Variants in APP observed in about 807,000 individuals in gnomAD.
APP encodes amyloid-beta precursor protein.
In APP, 31 loss-of-function variants were observed where a neutral mutation model predicts 101.4. The ratio of observed to expected loss-of-function variants is 0.31; its 90% CI spans 0.23 to 0.41. APP has a LOEUF of 0.41. APP is among the 10% of genes least tolerant of loss of function. APP has a pLI of 1.00. For synonymous variants in APP, 366 were observed against 364.4 expected (o/e 1.00, Z -0.05); for missense variants, 839 against 1,003.7 (o/e 0.84, Z 2.22).
intron 1 of APP, among the ~76,000 whole-genome samples, chr21:26,147,271 T>C (rs149824060): frequency 6.6e-6 from 1 of 152,328 alleles, no homozygotes; most frequent in East Asian, 1.9e-4. Context: ...GGTATGTTTT[T>C]ATGTTTCCAC....
In APP at chr21:26,087,969, G is replaced by A. The variant is rs557448161; in HGVS notation, c.355+1974C>T. 2.0e-5 allele frequency among the ~76,000 whole-genome samples: 3 copies of A among 152,134 alleles called. No individual in the cohort carries two copies. The South Asian group carries it at 6.2e-4, about 32-fold the overall frequency. On this transcript the variant is annotated intron_variant, in intron 3 of 17. Transcript: ENST00000346798. ...ACATCTTTTATATCCTTTATTACTT[G>A]TTGTACTGTTCGTTCACTTGGAGGT...
intron 7 of APP, among the ~76,000 whole-genome samples, chr21:25,998,389 A>AG (rs1185817400): frequency 6.9e-5 from 9 of 130,392 alleles, no homozygotes; most frequent in African/African-American, 1.0e-4. Context: ...AATCAGAGCC[A>AG]GAAAAAAAAA....
chr21:25,943,932 G>A (rs1363261840), intron 13 of APP, among the ~76,000 whole-genome samples: 2 of 152,098 alleles, frequency 1.3e-5, no homozygotes, highest in East Asian at 3.9e-4. Flanking sequence ...AAAAATTTTA[G>A]AGAACATGCA....
intron 17 of APP, among the ~76,000 whole-genome samples, chr21:25,883,421 G>A (rs941600496): frequency 5.3e-5 from 8 of 150,882 alleles, no homozygotes; most frequent in Admixed American, 2.0e-4. Flanking sequence ...AAAAGGCCAG[G>A]TGAGGTGGCT....
Position 25,975,223 on chromosome 21 carries a change from G to A in APP, c.1305C>T (p.Phe435=), listed in dbSNP as rs148180403. The A allele has an allele frequency of 7.4e-4, 1,200 of 1,614,096 alleles. 1 individual carries two copies. Among genetic ancestry groups the A allele is most frequent in the Middle Eastern group, 1.6e-3 (10 of 6,062 alleles). The change falls in exon 11 of 18, where the codon TTC becomes TTT. Residue 435 remains phenylalanine (F), a synonymous_variant. Transcript: ENST00000346798. ...GTTCCAAAGATTCCACTTTCTCCTG[G>A]AAATGCTGCCATCATAAACACATAT... ...KADKKAVIQH[F]QEKVESLEQE...
intron 3 of APP, among the ~76,000 whole-genome samples, chr21:26,060,406 G>A (rs2046225828): frequency 6.6e-6 from 1 of 152,196 alleles, no homozygotes; most frequent in Non-Finnish European, 1.5e-5. Context: ...CTGGCTGGGA[G>A]GGGGTGTTTC....
At chr21:26,138,039 C>G (rs2062958110) in intron 1 of APP, among the ~76,000 whole-genome samples, 1 of 152,174 alleles carries the variant, frequency 6.6e-6, no homozygotes, top group African/African-American at 2.4e-5. Flanking sequence ...ATTTAATATA[C>G]TCTTAAAAGG....
chr21:26,147,975 C>T (rs781232984), intron 1 of APP, among the ~76,000 whole-genome samples: 7 of 152,082 alleles, frequency 4.6e-5, no homozygotes, highest in African/African-American at 9.7e-5. Context: ...GATTTTCTCC[C>T]GAATCTAAGG....
At chr21:26,000,375 A>G (rs903031424) in intron 6 of APP, among the ~76,000 whole-genome samples, 193 bp from the exon 7 acceptor site, 8 of 152,220 alleles carry the variant, frequency 5.3e-5, no homozygotes, top group Non-Finnish European at 1.2e-4. Context: ...CAGAGCATGC[A>G]CTGTCATCTG....
At chr21:25,959,257 A>G (rs1226728905) in intron 11 of APP, among the ~76,000 whole-genome samples, 1 of 152,152 alleles carries the variant, frequency 6.6e-6, no homozygotes, top group Non-Finnish European at 1.5e-5. Context: ...ACATGGTGAA[A>G]CCCCATCTCT....
intron 13 of APP, among the ~76,000 whole-genome samples, chr21:25,936,214 A>C (rs1184875226): frequency 2.0e-5 from 3 of 152,140 alleles, no homozygotes; most frequent in African/African-American, 7.2e-5. Context: ...AGGTTAAATG[A>C]GGTCATGGGG....
intron 13 of APP, among the ~76,000 whole-genome samples, chr21:25,951,261 AT>A (rs2041063248): frequency 6.6e-6 from 1 of 152,182 alleles, no homozygotes; most frequent in African/African-American, 2.4e-5. Flanking sequence ...GCATGACTCC[AT>A]TCTTCCTCAT....
intron 13 of APP, 31 bp from the exon 14 acceptor site, chr21:25,911,993 G>T: frequency 6.5e-7 from 1 of 1,541,096 alleles, no homozygotes; most frequent in Non-Finnish European, 9.0e-7. Flanking sequence ...TCTTTGGTGA[G>T]TAACAACAAT....
At chr21:26,152,058 C>T (rs551611818) in intron 1 of APP, among the ~76,000 whole-genome samples, 11 of 151,988 alleles carry the variant, frequency 7.2e-5, no homozygotes, top group South Asian at 2.1e-4. Context: ...GGGGGGATCA[C>T]GAGGTCAGGA....
intron 2 of APP, among the ~76,000 whole-genome samples, chr21:26,109,475 C>T (rs907564388): frequency 2.0e-5 from 3 of 152,228 alleles, no homozygotes; most frequent in African/African-American, 7.2e-5. Flanking sequence ...TCACCTCCTG[C>T]CATGATTCTA....
chr21:26,097,795 C>G (rs1348773228), intron 2 of APP, among the ~76,000 whole-genome samples: 4 of 152,008 alleles, frequency 2.6e-5, no homozygotes, highest in Admixed American at 2.6e-4. Context: ...TTTAAGAGTG[C>G]ATAGGCCGGG....
At chr21:26,104,397 G>A (rs1371599029) in intron 2 of APP, among the ~76,000 whole-genome samples, 3 of 152,064 alleles carry the variant, frequency 2.0e-5, no homozygotes, top group African/African-American at 7.2e-5. Context: ...CAATGACTAG[G>A]CAGAAGCAAA....
chr21:26,092,937 A>C (rs915635553), intron 2 of APP, among the ~76,000 whole-genome samples: 7 of 152,232 alleles, frequency 4.6e-5, no homozygotes, highest in Non-Finnish European at 7.3e-5. Context: ...GTATATGCTA[A>C]GAGAACACAC....
intron 13 of APP, among the ~76,000 whole-genome samples, chr21:25,948,402 A>C (rs2040924739): frequency 1.3e-5 from 2 of 152,206 alleles, no homozygotes; most frequent in Non-Finnish European, 2.9e-5. Flanking sequence ...ACATTTTATC[A>C]AGAGGCCACA....
Sources: gnomAD v4.1 joint callset for allele counts (sites outside exome capture counted in the v4.1 genomes callset) on GRCh38, gnomAD v4.1.1 for gene constraint, MANE v1.5 for transcripts, NCBI Gene and HGNC (gene_info 2026-07-23, HGNC 2026-07-21) for gene names.